Variants in CRELD1 observed in about 807,000 individuals in gnomAD.
CRELD1 encodes CRELD disulfide isomerase 1.
CRELD1 carries 42 observed loss-of-function variants against 58.2 expected under a neutral mutation model. The ratio of observed to expected loss-of-function variants is 0.72; its 90% CI spans 0.56 to 0.93. The LOEUF (loss-of-function observed/expected upper bound fraction) is 0.93. Among genes scored for constraint, CRELD1 ranks in the 40% least tolerant of loss-of-function variants. The pLI, the probability that CRELD1 is intolerant of heterozygous loss-of-function variation, is 0.00. For synonymous variants in CRELD1, 222 were observed against 202.0 expected, an observed-to-expected ratio of 1.10 and a Z score of -0.84; for missense variants, 500 against 540.6, an observed-to-expected ratio of 0.92 and a Z score of 0.74.
Position 9,934,309 on chromosome 3 carries a change from T to A in CRELD1, c.-19-111T>A. 5 of 857,276 alleles carry A rather than the reference T, an allele frequency of 5.8e-6. No homozygotes were observed. The South Asian group carries it at 6.8e-5, about 12-fold the overall frequency. 53.1% of individuals were successfully genotyped at this position (857,276 alleles called of 1,614,324 possible). ...CTGCAATACCCAGTTTGGCCTCTTT[T>A]GCTTGTAATAACGCAGATCCCAGCG... On this transcript the variant is annotated intron_variant, in intron 1 of 10. Transcript: ENST00000452070.
In CRELD1 at chr3:9,937,976, A is replaced by G. The variant is rs2302786; in HGVS notation, c.369-39A>G. 0.27 allele frequency: 388,826 copies of G among 1,414,608 alleles called. 64,908 individuals are homozygous for G. Among genetic ancestry groups the G allele is most frequent in the African/African-American group, 0.79 (56,373 of 71,036 alleles). The allele number at this position is 1,414,608 out of a possible 1,614,324, so 87.6% of individuals were successfully genotyped here. A position where few individuals can be genotyped will look rare whatever the true frequency, so the allele number is the denominator to read the frequency against. ...ACAGCACTTATGACACTATCTCAGCACCTCCTCCCCACCTCCCTCCACCCT... is the reference window on the plus strand; with the variant it reads ...ACAGCACTTATGACACTATCTCAGCGCCTCCTCCCCACCTCCCTCCACCCT... On this transcript the variant is annotated intron_variant, in intron 4 of 10. Transcript: ENST00000452070.
chr3:9,937,484 G>C (rs2085226484), intron 3 of CRELD1, 78 bp from the exon 4 acceptor site: 1 of 937,490 alleles, frequency 1.1e-6, no homozygotes, highest in Non-Finnish European at 1.7e-6. Flanking sequence ...ACCGCACGAG[G>C]AAGGGTGGAG....
chr3:9,943,848 C>CGGGTGT (rs2085441028), intron 10 of CRELD1: 1 of 1,613,844 alleles, frequency 6.2e-7, no homozygotes, highest in Admixed American at 1.7e-5. Flanking sequence ...GTAATCACAA[C>CGGGTGT]GATGATGGCA....
In CRELD1 at chr3:9,938,329, CAT is replaced by C. The variant is rs1575639405; in HGVS notation, c.460+224_460+225del. ...ACTGAGTCATATGCAGTATAGTTAT[CAT>C]CATGTACTAAAGAAATGATAGACTT... On this transcript the variant is annotated intron_variant, in intron 5 of 10. Coordinates refer to ENST00000452070, the MANE Select transcript of CRELD1 (RefSeq NM_001077415.3). 3.0e-5 allele frequency: 17 copies of C among 560,632 alleles called. No individual in the cohort carries two copies. The East Asian group carries it at 5.2e-4, about 17-fold the overall frequency. The allele number at this position is 560,632 out of a possible 1,614,324, so 34.7% of individuals were successfully genotyped here.
chr3:9,934,742 C>G, intron 2 of CRELD1, 93 bp from the exon 3 acceptor site: 1 of 1,514,008 alleles, frequency 6.6e-7, no homozygotes, highest in Non-Finnish European at 9.1e-7. Flanking sequence ...GGCAGGTTGC[C>G]TTTCTGTGCC....
chr3:9,934,256 C>A (rs112107732), intron 1 of CRELD1, 164 bp from the exon 2 acceptor site: 2 of 619,020 alleles, frequency 3.2e-6, no homozygotes, highest in East Asian at 2.7e-5. Context: ...GCATCTTATG[C>A]GCCTTTCCCC....
intron 4 of CRELD1, 82 bp downstream of exon 4, chr3:9,937,754 G>C (rs1050237653): frequency 5.1e-6 from 5 of 985,228 alleles, no homozygotes; most frequent in South Asian, 1.4e-5. Context: ...GAAGCAGGGG[G>C]GTGCATGCTG....
intron 7 of CRELD1, 79 bp downstream of exon 7, chr3:9,941,285 G>C: frequency 7.8e-7 from 1 of 1,282,900 alleles, no homozygotes; most frequent in Non-Finnish European, 1.1e-6. Flanking sequence ...CACAAGCCTG[G>C]GCTAGACTAG....
chr3:9,938,569 G>T (rs188230729), intron 5 of CRELD1: 325 of 171,234 alleles, frequency 1.9e-3, no homozygotes, highest in Non-Finnish European at 3.3e-3. Flanking sequence ...CTTTGTAAAA[G>T]AAAATATTGG....
intron 7 of CRELD1, 22 bp from the exon 8 acceptor site, chr3:9,942,785 AATTCTC>A (rs767382647): frequency 1.3e-6 from 2 of 1,594,668 alleles, no homozygotes; most frequent in South Asian, 1.1e-5. Context: ...TAGGGATTGA[AATTCTC>A]ACCCTGCTCA....
chr3:9,934,877 A>G lies in CRELD1; in HGVS notation c.217A>G (p.Thr73Ala). The G allele has an allele frequency of 6.2e-7, 1 of 1,613,134 alleles. No homozygotes were observed. Among genetic ancestry groups the G allele is most frequent in the Admixed American group, 1.7e-5 (1 of 59,906 alleles). ...CCGGGACAACTTTGGAGGTGGAAAC[A>G]CTGCCTGGGAGGAAGAGAATTTGTC... Reference protein sequence around the residue: ...TIRDNFGGGNTAWEEENLSKY... With the variant: ...TIRDNFGGGNAAWEEENLSKY... The change falls in exon 3 of 11, where the codon ACT becomes GCT. Residue 73 changes from threonine to alanine, a missense_variant. Coordinates refer to ENST00000452070, the MANE Select transcript of CRELD1 (RefSeq NM_001077415.3).
At chr3:9,939,746 A>C (rs1396496407) in intron 5 of CRELD1, among the ~76,000 whole-genome samples, 1 of 152,174 alleles carries the variant, frequency 6.6e-6, no homozygotes, top group Non-Finnish European at 1.5e-5. Flanking sequence ...CTACACAGAC[A>C]CAGCAACCAT....
intron 7 of CRELD1, 75 bp downstream of exon 7, chr3:9,941,281 C>G (rs2085359461): frequency 8.9e-6 from 12 of 1,353,944 alleles, no homozygotes; most frequent in East Asian, 4.7e-5. Flanking sequence ...TCAACACAAG[C>G]CTGGGCTAGA....
chr3:9,937,117 T>G (rs913342065), intron 3 of CRELD1, among the ~76,000 whole-genome samples: 4 of 152,224 alleles, frequency 2.6e-5, no homozygotes, highest in Admixed American at 2.6e-4. Context: ...ATGTTTTACT[T>G]ATTGAGGAAC....
intron 7 of CRELD1, among the ~76,000 whole-genome samples, chr3:9,942,303 G>T (rs766526567): frequency 6.6e-6 from 1 of 151,944 alleles, no homozygotes; most frequent in African/African-American, 2.4e-5. Context: ...GAGGGTAGAG[G>T]TTTATTTTTT....
At chr3:9,939,901 A>G (rs1275082030) in intron 5 of CRELD1, among the ~76,000 whole-genome samples, 1 of 142,664 alleles carries the variant, frequency 7.0e-6, no homozygotes, top group Non-Finnish European at 1.5e-5. Context: ...ACTTCCCAGT[A>G]GGGGCAGCCG....
At chr3:9,936,646 A>G (rs1022920244) in intron 3 of CRELD1, among the ~76,000 whole-genome samples, 4 of 152,120 alleles carry the variant, frequency 2.6e-5, no homozygotes, top group Admixed American at 6.6e-5. Flanking sequence ...TTGTGTAACC[A>G]TCACCACTAT....
intron 10 of CRELD1, 146 bp downstream of exon 10, chr3:9,943,661 C>A: frequency 6.4e-7 from 1 of 1,560,874 alleles, no homozygotes; most frequent in South Asian, 1.2e-5. Context: ...CCGGGCTCTA[C>A]ATCTGATCTC....
rs1575639517 is a variant in CRELD1, at chr3:9,938,400, TC to T, written c.460+296del. On this transcript the variant is annotated intron_variant, in intron 5 of 10. Coordinates refer to ENST00000452070, the MANE Select transcript of CRELD1 (RefSeq NM_001077415.3). ...CATGCCAGATCGGACTATGGTACCTTCCTGGGGAGGGGCGGGTGCTGACCTG... is the reference window on the plus strand; with the variant it reads ...CATGCCAGATCGGACTATGGTACCTTCTGGGGAGGGGCGGGTGCTGACCTG... The T allele has an allele frequency of 2.8e-5, 11 of 399,604 alleles. No homozygotes were observed. The East Asian group carries it at 5.1e-4, about 19-fold the overall frequency. 24.8% of individuals were successfully genotyped at this position (399,604 alleles called of 1,614,324 possible). A position where few individuals can be genotyped will look rare whatever the true frequency, so the allele number is the denominator to read the frequency against.
Sources: allele counts gnomAD v4.1 joint callset (sites outside exome capture counted in the v4.1 genomes callset), GRCh38; gene constraint gnomAD v4.1.1; transcripts MANE v1.5; gene names NCBI Gene and HGNC (gene_info 2026-07-23, HGNC 2026-07-21).